MTM1: variants seen among roughly 807,000 people sequenced by gnomAD.
The protein encoded by MTM1 is myotubularin 1.
In MTM1, 9 loss-of-function variants were observed where a neutral mutation model predicts 52.1. That is an observed-to-expected ratio of 0.17 (90% CI 0.10 to 0.30). MTM1 has a LOEUF of 0.30. MTM1 is among the 10% of genes least tolerant of loss of function. The probability of loss-of-function intolerance (pLI) is 1.00; values close to 1 mark genes in which losing one functional copy is unlikely to be tolerated. For missense variants in MTM1, 277 were observed against 470.7 expected (o/e 0.59, Z 3.81); for synonymous variants, 136 against 163.8 (o/e 0.83, Z 1.29).
chrX:150,583,935 A>ATATATAT (rs1557412134), intron 1 of MTM1, among the ~76,000 whole-genome samples: 2 of 60,303 alleles, frequency 3.3e-5, no homozygotes, highest in Non-Finnish European at 5.9e-5. Context: ...TATTAAATTA[A>ATATATAT]AATATATATA....
Position 150,670,333 on chromosome X carries a change from A to G in MTM1, c.1645-1095A>G, listed in dbSNP as rs192090480. ...TCACCATTGTAGCAAAACAGATGCT[A>G]TTAACTCACTTCACTCACACAATGC... On this transcript the variant is annotated intron_variant, in intron 14 of 14. Transcript: ENST00000370396. 3.6e-4 allele frequency among the ~76,000 whole-genome samples: 40 copies of G among 112,211 alleles called. 1 individual carries two copies. Among genetic ancestry groups the G allele is most frequent in the African/African-American group, 1.0e-3 (31 of 30,869 alleles).
chrX:150,578,411 T>C (rs1364992728), intron 1 of MTM1, among the ~76,000 whole-genome samples: 1 of 112,101 alleles, frequency 8.9e-6, no homozygotes. Context: ...TGTGAGACCC[T>C]GAGCAGAGGA....
intron 5 of MTM1, among the ~76,000 whole-genome samples, chrX:150,617,170 T>C (rs112334444): frequency 0.034 from 3,796 of 112,888 alleles, 151 homozygotes; most frequent in African/African-American, 0.12. Context: ...TCACTTGTGC[T>C]TTGGCACATT....
At chrX:150,569,237 T>TA (rs1167288521) in intron 1 of MTM1, among the ~76,000 whole-genome samples, 2 of 113,390 alleles carry the variant, frequency 1.8e-5, no homozygotes, top group African/African-American at 3.2e-5. Flanking sequence ...GGGAAGATCT[T>TA]AGAGGGAACG....
intron 14 of MTM1, among the ~76,000 whole-genome samples, chrX:150,668,530 CAAAAA>C (rs59513018): frequency 1.3e-5 from 1 of 76,055 alleles, no homozygotes. Flanking sequence ...TCCATCTCTA[CAAAAA>C]AAAAAAAAAA....
intron 8 of MTM1, among the ~76,000 whole-genome samples, chrX:150,644,256 C>A (rs1413719103): frequency 1.8e-5 from 2 of 110,782 alleles, no homozygotes; most frequent in African/African-American, 6.6e-5. Flanking sequence ...TCTCTTGATA[C>A]CAGGGCCATA....
At chrX:150,647,833 A>G (rs1224845398) in intron 9 of MTM1, among the ~76,000 whole-genome samples, 2 of 112,529 alleles carry the variant, frequency 1.8e-5, no homozygotes, top group African/African-American at 6.4e-5. Flanking sequence ...AAGATCTAGC[A>G]GCAAGCCGCT....
At chrX:150,605,044 A>G (rs1191554819) in intron 4 of MTM1, among the ~76,000 whole-genome samples, 1 of 111,018 alleles carries the variant, frequency 9.0e-6, no homozygotes, top group Non-Finnish European at 1.9e-5. Flanking sequence ...CATCTCTGCC[A>G]TTTGCCCCCG....
chrX:150,597,753 G>A (rs2039002283), intron 3 of MTM1, among the ~76,000 whole-genome samples: 1 of 111,202 alleles, frequency 9.0e-6, no homozygotes, highest in Admixed American at 9.6e-5. Context: ...TATCACTTCA[G>A]TGTTTGAAAT....
intron 14 of MTM1, among the ~76,000 whole-genome samples, chrX:150,669,014 C>G (rs12850949): frequency 9.0e-6 from 1 of 110,577 alleles, no homozygotes. Context: ...GATCCATCCT[C>G]TAAGTTCCCT....
rs1557413785 is a variant in MTM1 at position 150,638,992 on chromosome X, C to T, written c.494C>T (p.Thr165Ile). The change falls in exon 7 of 15, where the codon ACA (threonine) becomes ATA (isoleucine). Residue 165 changes from threonine to isoleucine, a missense_variant. Transcript: ENST00000370396. ...GAAAAGTTTAACGTGGATGGATGGACAGTTTACAATCCAGTGGAAGAATAC... is the reference window on the plus strand; with the variant it reads ...GAAAAGTTTAACGTGGATGGATGGATAGTTTACAATCCAGTGGAAGAATAC... Reference protein sequence around the residue: ...NEEKFNVDGWTVYNPVEEYRR... With the variant: ...NEEKFNVDGWIVYNPVEEYRR... 3 of 1,208,478 alleles carry T rather than the reference C, an allele frequency of 2.5e-6. No homozygotes were observed. Among genetic ancestry groups the T allele is most frequent in the Non-Finnish European group, 3.4e-6 (3 of 892,538 alleles).
intron 1 of MTM1, among the ~76,000 whole-genome samples, chrX:150,575,180 CTCTT>C (rs2038448984): frequency 8.9e-6 from 1 of 112,486 alleles, no homozygotes; most frequent in Admixed American, 9.4e-5. Context: ...CGAGGAATGC[CTCTT>C]TCTTCTCTGG....
At chrX:150,649,047 T>TA (rs2039978694) in intron 9 of MTM1, among the ~76,000 whole-genome samples, 1 of 112,706 alleles carries the variant, frequency 8.9e-6, no homozygotes, top group African/African-American at 3.2e-5. Flanking sequence ...AGAGTCACAG[T>TA]ACCTGGGATG....
chrX:150,625,702 T>C, intron 6 of MTM1, among the ~76,000 whole-genome samples: 1 of 112,849 alleles, frequency 8.9e-6, no homozygotes, highest in Admixed American at 9.3e-5. Flanking sequence ...ACTTGCCGCT[T>C]TCCTTTCACA....
intron 14 of MTM1, 51 bp downstream of exon 14, chrX:150,663,660 G>C: frequency 9.1e-7 from 1 of 1,093,290 alleles, no homozygotes; most frequent in Non-Finnish European, 1.3e-6. Flanking sequence ...GCTTGCCTTA[G>C]ATAATGTTAT....
intron 1 of MTM1, among the ~76,000 whole-genome samples, chrX:150,590,277 G>C (rs2038860503): frequency 8.9e-6 from 1 of 112,280 alleles, no homozygotes; most frequent in South Asian, 3.7e-4. Flanking sequence ...GGATTTCTCG[G>C]ATGTATACTT....
At chrX:150,579,087 T>G (rs1377537068) in intron 1 of MTM1, among the ~76,000 whole-genome samples, 1 of 110,456 alleles carries the variant, frequency 9.1e-6, no homozygotes, top group Non-Finnish European at 1.9e-5. Context: ...GGAGTTTCGC[T>G]TTTGTTGCCC....
chrX:150,665,884 T>C (rs1266737850), intron 14 of MTM1, among the ~76,000 whole-genome samples: 1 of 112,163 alleles, frequency 8.9e-6, no homozygotes, highest in Non-Finnish European at 1.9e-5. Flanking sequence ...AGTAGGAATT[T>C]TGGCTGCCAG....
intron 11 of MTM1, among the ~76,000 whole-genome samples, 157 bp downstream of exon 11, chrX:150,658,184 T>C (rs1423630478): frequency 8.9e-6 from 1 of 112,315 alleles, no homozygotes; most frequent in Non-Finnish European, 1.9e-5. Context: ...GTAGTGAAAG[T>C]CTTTTTAAGA....
Sources: gnomAD v4.1 joint callset for allele counts (sites outside exome capture counted in the v4.1 genomes callset) on GRCh38, gnomAD v4.1.1 for gene constraint, MANE v1.5 for transcripts, NCBI Gene and HGNC (gene_info 2026-07-23, HGNC 2026-07-21) for gene names.